CCDC88A: variants seen among roughly 807,000 people sequenced by gnomAD.
CCDC88A encodes the protein coiled-coil and HOOK domain protein 88A.
Under a neutral mutation model 234.3 loss-of-function variants are expected in CCDC88A, and 54 were observed. The ratio of observed to expected loss-of-function variants is 0.23; its 90% confidence interval spans 0.19 to 0.29. CCDC88A has a LOEUF of 0.29. CCDC88A is among the 10% of genes least tolerant of loss of function. The pLI, the probability that CCDC88A is intolerant of heterozygous loss-of-function variation, is 1.00. For missense variants in CCDC88A, 1,832 were observed against 2,123.4 expected, an observed-to-expected ratio of 0.86 and a Z score of 2.70; for synonymous variants, 753 against 737.8, an observed-to-expected ratio of 1.02 and a Z score of -0.33.
Position 55,334,526 on chromosome 2 carries a change from A to T in CCDC88A, c.2295T>A (p.Asn765Lys). The stretch of plus-strand genomic sequence containing the variant: ...TCTCTAAAGTTTTTTGCAGTCTTTG[A>T]TTTTCTATATCTAAACCCTGGTAGC... Reference protein sequence around the residue: ...EVSYQGLDIENQRLQKTLENS... With the variant: ...EVSYQGLDIEKQRLQKTLENS... Residue 765 changes from asparagine (N) to lysine (K), a missense_variant, in exon 15 of 33, where the codon AAT becomes AAA. Transcript: ENST00000436346. The surrounding 1 kb of genome is among the most constrained non-coding windows in gnomAD (Gnocchi z 6.1). 3 of 1,609,994 alleles carry T rather than the reference A, an allele frequency of 1.9e-6. No homozygotes were observed. Among genetic ancestry groups the T allele is most frequent in the Non-Finnish European group, 2.5e-6 (3 of 1,179,016 alleles).
At chr2:55,316,410 T>G (rs1315421644) in intron 21 of CCDC88A, among the ~76,000 whole-genome samples, 1 of 152,126 alleles carries the variant, frequency 6.6e-6, no homozygotes, top group African/African-American at 2.4e-5. Context: ...ACTCAAAGTT[T>G]CAAGTATTAA....
At chr2:55,375,613 C>T (rs945469097) in intron 3 of CCDC88A, among the ~76,000 whole-genome samples, 57 of 150,514 alleles carry the variant, frequency 3.8e-4, no homozygotes, top group African/African-American at 1.0e-3. Context: ...CTGCAACCTC[C>T]GCCTCCTGGG....
chr2:55,338,542 C>T (rs924491179), intron 13 of CCDC88A, among the ~76,000 whole-genome samples: 3 of 152,200 alleles, frequency 2.0e-5, no homozygotes, highest in Non-Finnish European at 4.4e-5. Context: ...CAACCAGAGT[C>T]TGATTAAGAT....
At chr2:55,301,319 T>C in intron 27 of CCDC88A, 42 bp from the exon 28 acceptor site, 1 of 1,058,088 alleles carries the variant, frequency 9.5e-7, no homozygotes, top group Non-Finnish European at 1.4e-6. Flanking sequence ...ATTTTTGTAA[T>C]AAAAAACCAT....
At chr2:55,375,234 T>C (rs189921163) in intron 3 of CCDC88A, among the ~76,000 whole-genome samples, 400 of 152,028 alleles carry the variant, frequency 2.6e-3, no homozygotes, top group Non-Finnish European at 4.4e-3. Context: ...ATAAAAAAGC[T>C]TTAAAAATAT....
intron 4 of CCDC88A, among the ~76,000 whole-genome samples, chr2:55,374,015 G>GA (rs1315501363): frequency 3.9e-5 from 6 of 152,116 alleles, no homozygotes; most frequent in Non-Finnish European, 7.4e-5. Flanking sequence ...ACATTTTGAA[G>GA]AAAAAATTAA....
intron 2 of CCDC88A, chr2:55,404,741 T>C (rs1483979026): frequency 1.3e-5 from 2 of 152,140 alleles, no homozygotes; most frequent in Non-Finnish European, 2.9e-5. Flanking sequence ...AAAATAGTTG[T>C]TTTTTCGAGA....
intron 3 of CCDC88A, among the ~76,000 whole-genome samples, chr2:55,378,007 G>C (rs1454875680): frequency 6.6e-6 from 1 of 152,136 alleles, no homozygotes; most frequent in East Asian, 1.9e-4. Flanking sequence ...TGACTAACGA[G>C]TCAAAATTGA....
chr2:55,356,607 C>A (rs921533586), intron 7 of CCDC88A: 4 of 152,066 alleles, frequency 2.6e-5, no homozygotes, highest in African/African-American at 9.7e-5. Context: ...GCATAGGTGG[C>A]TATTTAGTTA....
intron 5 of CCDC88A, among the ~76,000 whole-genome samples, chr2:55,371,677 G>A (rs1672868020): frequency 6.6e-6 from 1 of 152,026 alleles, no homozygotes; most frequent in Non-Finnish European, 1.5e-5. Flanking sequence ...AACAGAAATG[G>A]GGTTTCATTA....
chr2:55,391,761 A>G (rs1052034077), intron 2 of CCDC88A, among the ~76,000 whole-genome samples: 2 of 152,226 alleles, frequency 1.3e-5, no homozygotes, highest in Non-Finnish European at 2.9e-5. Flanking sequence ...ATGAATGAAC[A>G]GAGACTAAAT....
intron 17 of CCDC88A, among the ~76,000 whole-genome samples, chr2:55,324,877 C>A (rs750372626): frequency 1.3e-5 from 2 of 152,166 alleles, no homozygotes; most frequent in Non-Finnish European, 2.9e-5. Context: ...AACTCCTGGC[C>A]TCAAGTGATA....
intron 29 of CCDC88A, among the ~76,000 whole-genome samples, chr2:55,298,222 C>T (rs561221264): frequency 2.0e-5 from 3 of 151,358 alleles, no homozygotes; most frequent in South Asian, 4.2e-4. Context: ...AAGTGGGCCA[C>T]GAAAGAATTT....
At chr2:55,368,468 T>C (rs1023862753) in intron 5 of CCDC88A, among the ~76,000 whole-genome samples, 11 of 151,838 alleles carry the variant, frequency 7.2e-5, no homozygotes, top group African/African-American at 2.4e-4. Context: ...CCTCTCTCTC[T>C]CTTTCTCCCT....
intron 2 of CCDC88A, among the ~76,000 whole-genome samples, chr2:55,398,202 T>C (rs999290330): frequency 6.6e-6 from 1 of 152,186 alleles, no homozygotes; most frequent in Non-Finnish European, 1.5e-5. Flanking sequence ...TATGCTCTGA[T>C]TTGACTCTAG....
At chr2:55,337,060 CAA>C (rs1685532504) in intron 13 of CCDC88A, 1 of 317,484 alleles carries the variant, frequency 3.1e-6, no homozygotes. Context: ...TTTCTAAACA[CAA>C]AGACAAATCC....
intron 13 of CCDC88A, chr2:55,337,521 A>C (rs1191626465): frequency 1.3e-5 from 2 of 152,228 alleles, no homozygotes; most frequent in African/African-American, 2.4e-5. Flanking sequence ...TGCAAGTTAA[A>C]TGTTAAATTC....
intron 8 of CCDC88A, among the ~76,000 whole-genome samples, chr2:55,353,648 C>CCAAAAAAAAAAAAAAAAAAAAAAAA (rs1670176321): frequency 1.5e-5 from 1 of 64,658 alleles, no homozygotes; most frequent in Admixed American, 1.5e-4. Context: ...AGAAACCAAA[C>CCAAAAAAAAAAAAAAAAAAAAAAAA]CAAAAAAAAA....
At chr2:55,368,774 C>G (rs1160198679) in intron 5 of CCDC88A, among the ~76,000 whole-genome samples, 1 of 152,144 alleles carries the variant, frequency 6.6e-6, no homozygotes, top group African/African-American at 2.4e-5. Context: ...GGAAAACATG[C>G]TATTTACATA....
Sources: gnomAD v4.1 joint callset for allele counts (sites outside exome capture counted in the v4.1 genomes callset) on GRCh38, gnomAD v4.1.1 for gene constraint, Gnocchi (gnomAD v3.1) non-coding constraint, MANE v1.5 for transcripts, NCBI Gene and HGNC (gene_info 2026-07-23, HGNC 2026-07-21) for gene names.